MYO1E: variants seen among roughly 807,000 people sequenced by gnomAD.
MYO1E encodes the protein myosin IE.
Under a neutral mutation model 151.1 loss-of-function variants are expected in MYO1E, and 68 were observed. The ratio of observed to expected loss-of-function variants is 0.45; its 90% CI spans 0.37 to 0.55. The LOEUF (loss-of-function observed/expected upper bound fraction) is 0.55. Among genes scored for constraint, MYO1E ranks in the 20% least tolerant of loss-of-function variants. The pLI is 0.00. For synonymous variants in MYO1E, 601 were observed against 501.7 expected, an observed-to-expected ratio of 1.20 and a Z score of -2.64; for missense variants, 1,363 against 1,389.3, an observed-to-expected ratio of 0.98 and a Z score of 0.30.
rs564477959 is a variant in MYO1E, at chr15:59,346,156, C to T, written c.3+26342G>A. 3.9e-5 allele frequency among the ~76,000 whole-genome samples: 6 copies of T among 152,290 alleles called. No individual in the cohort carries two copies. The South Asian group carries it at 1.2e-3, about 32-fold the overall frequency. On this transcript the variant is annotated intron_variant, in intron 1 of 27. Transcript: ENST00000288235. ...ATTCAGCTAGGCAGAATTAACACATCTTTCCCCTTCTTCCACTTGTGCTTT... is the reference window on the plus strand; with the variant it reads ...ATTCAGCTAGGCAGAATTAACACATTTTTCCCCTTCTTCCACTTGTGCTTT...
chr15:59,230,214 CAGTGTGTGTTTGTGTGTG>C (rs1371003679), intron 6 of MYO1E, among the ~76,000 whole-genome samples: 2 of 45,896 alleles, frequency 4.4e-5, no homozygotes, highest in Non-Finnish European at 1.7e-4. Flanking sequence ...GAGAGAGAGA[CAGTGTGTGTTTGTGTGTG>C]TGTGTGTGTG....
At chr15:59,338,489 T>C (rs572673170) in intron 1 of MYO1E, among the ~76,000 whole-genome samples, 1 of 152,278 alleles carries the variant, frequency 6.6e-6, no homozygotes, top group African/African-American at 2.4e-5. Context: ...TCTCTGGTTT[T>C]AGAACATCTC....
At position 59,350,975 on chromosome 15, in the gene MYO1E, C is replaced by A. The variant is rs1215961457; in HGVS notation, c.3+21523G>T. ...GCAGTGGCGCGATCTCGGCTCAATG[C>A]AAGCTCCGCCTCCCAGGTTCACGCC... On this transcript the variant is annotated intron_variant, in intron 1 of 27. Transcript: ENST00000288235. This position sits in a 1 kb window ranked among gnomAD's most constrained non-coding sequence, Gnocchi z 5.0. 1.3e-5 allele frequency among the ~76,000 whole-genome samples: 2 copies of A among 152,252 alleles called. No individual in the cohort carries two copies. Among genetic ancestry groups the A allele is most frequent in the Non-Finnish European group, 2.9e-5 (2 of 68,036 alleles).
At chr15:59,245,544 CTT>C (rs1479091852) in intron 4 of MYO1E, among the ~76,000 whole-genome samples, 3 of 152,168 alleles carry the variant, frequency 2.0e-5, no homozygotes. Flanking sequence ...CTGACAAAGA[CTT>C]TGCAAACTGG....
intron 22 of MYO1E, among the ~76,000 whole-genome samples, chr15:59,165,933 C>T (rs1483131224): frequency 6.6e-6 from 1 of 152,182 alleles, no homozygotes; most frequent in Non-Finnish European, 1.5e-5. Context: ...TGCCTGGTGG[C>T]CTGGCTGAAC....
At chr15:59,286,049 G>A (rs1189907786) in intron 1 of MYO1E, among the ~76,000 whole-genome samples, 2 of 152,196 alleles carry the variant, frequency 1.3e-5, no homozygotes, top group Admixed American at 6.5e-5. Context: ...ATAAAGACAG[G>A]GAGGTAACTG....
intron 2 of MYO1E, among the ~76,000 whole-genome samples, chr15:59,267,221 T>C (rs2080261538): frequency 6.6e-6 from 1 of 151,650 alleles, no homozygotes; most frequent in African/African-American, 2.4e-5. Flanking sequence ...AGACGGGGTT[T>C]TCACCATGTT....
At chr15:59,342,543 T>C (rs1387111923) in intron 1 of MYO1E, among the ~76,000 whole-genome samples, 1 of 152,218 alleles carries the variant, frequency 6.6e-6, no homozygotes, top group African/African-American at 2.4e-5. Flanking sequence ...CAACAGATCC[T>C]TGGGTCTTGC....
At chr15:59,305,811 G>A (rs1322979635) in intron 1 of MYO1E, among the ~76,000 whole-genome samples, 3 of 152,158 alleles carry the variant, frequency 2.0e-5, no homozygotes, top group Non-Finnish European at 4.4e-5. Context: ...AGATGTGGCC[G>A]TGTGACATAA....
At chr15:59,143,362 G>C (rs2079422422) in intron 26 of MYO1E, among the ~76,000 whole-genome samples, 1 of 152,140 alleles carries the variant, frequency 6.6e-6, no homozygotes, top group South Asian at 2.1e-4. Context: ...CAGGTGGGTG[G>C]AGGAGGGAGG....
At chr15:59,362,631 T>C (rs2080891834) in intron 1 of MYO1E, among the ~76,000 whole-genome samples, 1 of 152,268 alleles carries the variant, frequency 6.6e-6, no homozygotes, top group African/African-American at 2.4e-5. Context: ...AAATAGCTTA[T>C]TAGATTCTTC....
intron 17 of MYO1E, among the ~76,000 whole-genome samples, chr15:59,190,666 C>G (rs1159508031): frequency 1.3e-5 from 2 of 152,208 alleles, no homozygotes; most frequent in Non-Finnish European, 2.9e-5. Context: ...TTCTCTGTGC[C>G]TCTCAGTTTC....
chr15:59,140,071 TG>T (rs1379028600), intron 26 of MYO1E, among the ~76,000 whole-genome samples: 41 of 141,460 alleles, frequency 2.9e-4, no homozygotes, highest in Admixed American at 1.4e-3. Flanking sequence ...CTCTGTTGTG[TG>T]TGTGTGTGTG....
intron 1 of MYO1E, among the ~76,000 whole-genome samples, chr15:59,347,363 C>T (rs1426965226): frequency 6.6e-6 from 1 of 152,204 alleles, no homozygotes; most frequent in African/African-American, 2.4e-5. Context: ...TGCAGAAAAG[C>T]TGTCTTCCAC....
At chr15:59,268,673 G>A (rs906804375) in intron 2 of MYO1E, among the ~76,000 whole-genome samples, 4 of 129,684 alleles carry the variant, frequency 3.1e-5, no homozygotes, top group African/African-American at 1.1e-4. Context: ...TACACCAAGA[G>A]ATTAATAAGA....
chr15:59,246,109 T>A (rs953322876), intron 4 of MYO1E, among the ~76,000 whole-genome samples: 2 of 152,166 alleles, frequency 1.3e-5, no homozygotes, highest in Non-Finnish European at 2.9e-5. Flanking sequence ...TTAAATTTTT[T>A]AAATTTTTAA....
At chr15:59,208,230 G>C (rs2079853434) in intron 14 of MYO1E, 1 of 744,272 alleles carries the variant, frequency 1.3e-6, no homozygotes, top group Non-Finnish European at 2.1e-6. Context: ...TAGTCCTCCA[G>C]CTCTTTTATT....
intron 2 of MYO1E, among the ~76,000 whole-genome samples, chr15:59,271,769 C>T (rs1444962678): frequency 6.6e-6 from 1 of 152,216 alleles, no homozygotes; most frequent in Non-Finnish European, 1.5e-5. Flanking sequence ...CTTTTAAGTG[C>T]AGACTCAAAT....
At chr15:59,364,395 G>A (rs1596444966) in intron 1 of MYO1E, among the ~76,000 whole-genome samples, 2 of 152,108 alleles carry the variant, frequency 1.3e-5, no homozygotes, top group Admixed American at 6.5e-5. Flanking sequence ...TGACCACAGC[G>A]GTTCTAGTGG....
Sources: gnomAD v4.1 joint callset for allele counts (sites outside exome capture counted in the v4.1 genomes callset) on GRCh38, gnomAD v4.1.1 for gene constraint, Gnocchi (gnomAD v3.1) non-coding constraint, MANE v1.5 for transcripts, NCBI Gene and HGNC (gene_info 2026-07-23, HGNC 2026-07-21) for gene names.